The following SENP5 variants were observed in gnomAD, a reference collection of about 807,000 sequenced individuals.
The protein encoded by SENP5 is SUMO specific peptidase 5.
SENP5 carries 21 observed loss-of-function variants against 74.2 expected under a neutral mutation model. That is an observed-to-expected ratio of 0.28 (90% CI 0.20 to 0.41). SENP5 has a LOEUF of 0.41. Ranked by LOEUF, SENP5 falls within the 10% of genes least tolerant of loss-of-function variation. SENP5 has a pLI of 1.00. For missense variants in SENP5, 717 were observed against 889.1 expected (o/e 0.81, Z 2.46); for synonymous variants, 311 against 312.7 (o/e 0.99, Z 0.06).
At chr3:196,868,952 C>T (rs187314456) in intron 1 of SENP5, among the ~76,000 whole-genome samples, 21 of 150,106 alleles carry the variant, frequency 1.4e-4, no homozygotes, top group Admixed American at 1.3e-3. Flanking sequence ...ATGCCAGGCG[C>T]TCGTGTGGTC....
At chr3:196,925,422 C>A (rs1715777878) in intron 7 of SENP5, among the ~76,000 whole-genome samples, 1 of 152,202 alleles carries the variant, frequency 6.6e-6, no homozygotes, top group Non-Finnish European at 1.5e-5. Context: ...CCAACATATT[C>A]CCATACCTGC....
chr3:196,880,035 T>C (rs1230945502), intron 1 of SENP5, among the ~76,000 whole-genome samples: 1 of 152,022 alleles, frequency 6.6e-6, no homozygotes, highest in Non-Finnish European at 1.5e-5. Flanking sequence ...AACTTCTGCC[T>C]CCTGGGTTCA....
At chr3:196,894,367 C>T (rs999915364) in intron 2 of SENP5, among the ~76,000 whole-genome samples, 1 of 151,884 alleles carries the variant, frequency 6.6e-6, no homozygotes, top group Non-Finnish European at 1.5e-5. Context: ...AGGTGATCCG[C>T]CCGCCTTATC....
chr3:196,913,206 G>C (rs929216826), intron 6 of SENP5: 3 of 152,138 alleles, frequency 2.0e-5, no homozygotes, highest in Non-Finnish European at 2.9e-5. Flanking sequence ...TGATTTAATA[G>C]ATGTTTATGC....
chr3:196,880,766 C>T (rs889436472), intron 1 of SENP5, among the ~76,000 whole-genome samples: 15 of 150,858 alleles, frequency 9.9e-5, no homozygotes, highest in African/African-American at 1.5e-4. Flanking sequence ...CTCAGTCTCC[C>T]GAGTAGCTGG....
At chr3:196,928,056 C>A (rs1407780847) in intron 8 of SENP5, among the ~76,000 whole-genome samples, 177 bp downstream of exon 8, 1 of 152,166 alleles carries the variant, frequency 6.6e-6, no homozygotes, top group Non-Finnish European at 1.5e-5. Flanking sequence ...TGCTCAGTTG[C>A]CCAGTGCTTC....
intron 2 of SENP5, among the ~76,000 whole-genome samples, chr3:196,891,022 A>G (rs1243970241): frequency 6.6e-6 from 1 of 152,250 alleles, no homozygotes; most frequent in Non-Finnish European, 1.5e-5. Context: ...AGCATTGTTC[A>G]TAATATCCAG....
intron 1 of SENP5, among the ~76,000 whole-genome samples, chr3:196,874,733 G>A (rs1013158067): frequency 6.6e-6 from 1 of 152,030 alleles, no homozygotes; most frequent in African/African-American, 2.4e-5. Flanking sequence ...TACAAAATTG[G>A]CTGGGCGTGG....
intron 1 of SENP5, among the ~76,000 whole-genome samples, chr3:196,876,703 C>T (rs925040745): frequency 1.6e-5 from 2 of 123,384 alleles, no homozygotes; most frequent in African/African-American, 3.0e-5. Context: ...CAACATAGAC[C>T]GTATTTCTAC....
chr3:196,908,175 A>G (rs1425285656), intron 6 of SENP5, among the ~76,000 whole-genome samples: 1 of 152,032 alleles, frequency 6.6e-6, no homozygotes, highest in Non-Finnish European at 1.5e-5. Flanking sequence ...AGTTATCCAG[A>G]AGGCTGCGGT....
intron 2 of SENP5, among the ~76,000 whole-genome samples, chr3:196,897,485 C>T (rs1196675956): frequency 1.3e-5 from 2 of 152,174 alleles, no homozygotes; most frequent in Non-Finnish European, 2.9e-5. Context: ...GTTTACTGTA[C>T]CCTGACCTTT....
chr3:196,889,725 G>A (rs1230397451), intron 2 of SENP5, among the ~76,000 whole-genome samples: 5 of 152,180 alleles, frequency 3.3e-5, no homozygotes, highest in South Asian at 4.1e-4. Context: ...TCACAAATGA[G>A]GAGACAGTTT....
chr3:196,896,627 A>G (rs1714453353), intron 2 of SENP5, among the ~76,000 whole-genome samples: 1 of 152,102 alleles, frequency 6.6e-6, no homozygotes, highest in Non-Finnish European at 1.5e-5. Flanking sequence ...TAATTTTTGT[A>G]GTTTTAGCAT....
At chr3:196,920,097 CTG>C (rs1715547543) in intron 6 of SENP5, among the ~76,000 whole-genome samples, 1 of 152,234 alleles carries the variant, frequency 6.6e-6, no homozygotes, top group African/African-American at 2.4e-5. Flanking sequence ...TTGTCAAACT[CTG>C]TTGTTTAGTA....
Position 196,896,404 on chromosome 3 carries a change from G to C in SENP5, c.1514-3262G>C, listed in dbSNP as rs186374529. Reference sequence around the variant, plus strand: ...TACCATATGCTAGTTAAGTGCCCTTGGGGAGGTAACAACCTCTCAAAGCTT... The same window carrying C: ...TACCATATGCTAGTTAAGTGCCCTTCGGGAGGTAACAACCTCTCAAAGCTT... On this transcript the variant is annotated intron_variant, in intron 2 of 9. Transcript: ENST00000323460. 4.6e-5 allele frequency among the ~76,000 whole-genome samples: 7 copies of C among 152,226 alleles called. No individual in the cohort carries two copies. In the East Asian group the frequency reaches 5.8e-4, roughly 13 times the overall value.
At chr3:196,869,261 C>T (rs565429052) in intron 1 of SENP5, among the ~76,000 whole-genome samples, 1 of 151,910 alleles carries the variant, frequency 6.6e-6, no homozygotes, top group South Asian at 2.1e-4. Context: ...AGTGCAGTGG[C>T]GCGATCTTTT....
intron 6 of SENP5, chr3:196,914,439 C>T (rs1715266811): frequency 1.3e-5 from 2 of 150,270 alleles, no homozygotes; most frequent in Admixed American, 6.7e-5. Context: ...ATTGATGTCT[C>T]CCTCCAAAAA....
In SENP5 at chr3:196,900,008, G is replaced by A. The variant is rs1268426449; in HGVS notation, c.1704G>A (p.Met568Ile). ...CNFRIFYNKH[M>I]LDMDDLATLD... is the part of the protein sequence containing the mutation. Reference sequence around the variant, plus strand: ...TCCGTATCTTCTATAATAAACACATGCTGGATATGGACGACCTGGCGACTC... The same window carrying A: ...TCCGTATCTTCTATAATAAACACATACTGGATATGGACGACCTGGCGACTC... The change falls in exon 4 of 10, where the codon ATG becomes ATA. Residue 568 changes from methionine to isoleucine, a missense_variant. Met to Ile is a conservative substitution (Grantham distance 10). Coordinates refer to ENST00000323460, the MANE Select transcript of SENP5 (RefSeq NM_152699.5). 2 of 1,613,928 alleles carry A rather than the reference G, an allele frequency of 1.2e-6. No individual in the cohort carries two copies. The highest frequency in any genetic ancestry group is 2.7e-5 in the African/African-American group (2 of 74,892).
chr3:196,884,690 AGATG>A (rs1713876043), intron 1 of SENP5, among the ~76,000 whole-genome samples: 1 of 92,446 alleles, frequency 1.1e-5, no homozygotes, highest in Admixed American at 1.3e-4. Flanking sequence ...TTTTTTTTTG[AGATG>A]GAGTTTCGCT....
Sources: gnomAD v4.1 joint callset for allele counts (sites outside exome capture counted in the v4.1 genomes callset) on GRCh38, gnomAD v4.1.1 for gene constraint, MANE v1.5 for transcripts, NCBI Gene and HGNC (gene_info 2026-07-23, HGNC 2026-07-21) for gene names.